CADPS2: variants seen among roughly 807,000 people sequenced by gnomAD.
CADPS2 encodes calcium dependent secretion activator 2.
CADPS2 carries 93 observed loss-of-function variants against 172.5 expected under a neutral mutation model. That is an observed-to-expected ratio of 0.54 (90% CI 0.46 to 0.64). The LOEUF is 0.64. Among genes scored for constraint, CADPS2 ranks in the 30% least tolerant of loss-of-function variants. CADPS2 has a pLI of 0.00. For missense variants in CADPS2, 1,420 were observed against 1,565.9 expected (o/e 0.91, Z 1.57); for synonymous variants, 546 against 555.2 (o/e 0.98, Z 0.23).
intron 8 of CADPS2, among the ~76,000 whole-genome samples, chr7:122,552,684 T>C (rs2064455917): frequency 6.6e-6 from 1 of 151,978 alleles, no homozygotes; most frequent in South Asian, 2.1e-4. Context: ...GTCTTTGTTC[T>C]TGAGACAAGC....
chr7:122,741,300 A>G (rs775289734), intron 1 of CADPS2, among the ~76,000 whole-genome samples: 10 of 152,212 alleles, frequency 6.6e-5, no homozygotes, highest in Non-Finnish European at 2.9e-5. Context: ...GCTTCCATAT[A>G]TAGACAGAAA....
intron 1 of CADPS2, among the ~76,000 whole-genome samples, chr7:122,842,082 C>T (rs1458513702): frequency 1.3e-5 from 2 of 152,180 alleles, no homozygotes; most frequent in Non-Finnish European, 2.9e-5. Context: ...TCCTGAAACC[C>T]CAGGAATAGT....
At position 122,332,314 on chromosome 7, in the gene CADPS2, G is replaced by A. The variant is rs189814490; in HGVS notation, c.3613-6733C>T. 1.4e-3 allele frequency among the ~76,000 whole-genome samples: 211 copies of A among 151,486 alleles called. 1 individual carries two copies. The highest frequency in any genetic ancestry group is 0.013 in the Admixed American group (194 of 15,192). ...AACACTGGAAAATATTTGTTCTACTGTAGTAAAACAATGTAATGTGGAAAG... is the reference window on the plus strand; with the variant it reads ...AACACTGGAAAATATTTGTTCTACTATAGTAAAACAATGTAATGTGGAAAG... On this transcript the variant is annotated intron_variant, in intron 28 of 29. Transcript: ENST00000449022.
chr7:122,429,053 A>G (rs2049546642), intron 17 of CADPS2, among the ~76,000 whole-genome samples: 1 of 152,128 alleles, frequency 6.6e-6, no homozygotes, highest in African/African-American at 2.4e-5. Flanking sequence ...TTGTTACCAC[A>G]ATGCTATTAT....
intron 20 of CADPS2, among the ~76,000 whole-genome samples, chr7:122,396,578 C>G (rs143281453): frequency 6.6e-6 from 1 of 152,294 alleles, no homozygotes; most frequent in African/African-American, 2.4e-5. Flanking sequence ...GACCTGTCTA[C>G]AAGTTACTTC....
At chr7:122,615,358 T>C in intron 5 of CADPS2, 59 bp from the exon 6 acceptor site, 1 of 1,144,798 alleles carries the variant, frequency 8.7e-7, no homozygotes, top group Non-Finnish European at 1.2e-6. Context: ...GCAATATACA[T>C]AAACAGCAGC....
At chr7:122,636,287 T>C (rs886979053) in intron 3 of CADPS2, among the ~76,000 whole-genome samples, 2 of 152,096 alleles carry the variant, frequency 1.3e-5, no homozygotes, top group African/African-American at 4.8e-5. Flanking sequence ...GTAAGGGTAG[T>C]CTAGTGTTAA....
chr7:122,382,546 A>G (rs1026745906), intron 24 of CADPS2, among the ~76,000 whole-genome samples: 1 of 152,166 alleles, frequency 6.6e-6, no homozygotes, highest in African/African-American at 2.4e-5. Flanking sequence ...ATCACAGGTA[A>G]AAGTTTATCT....
At chr7:122,723,697 T>G (rs535125860) in intron 2 of CADPS2, among the ~76,000 whole-genome samples, 1 of 152,274 alleles carries the variant, frequency 6.6e-6, no homozygotes, top group South Asian at 2.1e-4. Context: ...CACAGGATTA[T>G]AAATCATGCT....
intron 20 of CADPS2, among the ~76,000 whole-genome samples, chr7:122,406,039 C>T (rs995031807): frequency 1.3e-5 from 2 of 152,160 alleles, no homozygotes; most frequent in African/African-American, 4.8e-5. Context: ...AGCACCAAAG[C>T]TCATGTTGTT....
chr7:122,571,756 C>A (rs1563739573), intron 7 of CADPS2, among the ~76,000 whole-genome samples: 1 of 152,142 alleles, frequency 6.6e-6, no homozygotes, highest in Non-Finnish European at 1.5e-5. Flanking sequence ...TGAAGAATTG[C>A]TATCTGAAAG....
chr7:122,670,692 G>A (rs1422600402), intron 2 of CADPS2, among the ~76,000 whole-genome samples: 5 of 151,566 alleles, frequency 3.3e-5, no homozygotes, highest in Non-Finnish European at 5.9e-5. Flanking sequence ...GTAGAGACGA[G>A]GTTTCACCAT....
chr7:122,416,111 C>T lies in CADPS2; in HGVS notation c.2530G>A (p.Ala844Thr), dbSNP rs867582496. Residue 844 changes from alanine to threonine, a missense_variant, in exon 18 of 30, where the codon GCA becomes ACA. Coordinates refer to ENST00000449022, the MANE Select transcript of CADPS2 (RefSeq NM_017954.11). ...ARKLEEILHL[A>T]ELCIEVLQQN... ...TGTAAGACTTCTATGCAGAGCTCTG[C>T]CAGATGAAGAATCTCTTCCAGCTTT... 6.4e-7 allele frequency: 1 copy of T among 1,554,034 alleles called. No individual in the cohort carries two copies. Among genetic ancestry groups the T allele is most frequent in the East Asian group, 2.4e-5 (1 of 42,492 alleles).
At chr7:122,442,410 T>C (rs1254429750) in intron 15 of CADPS2, among the ~76,000 whole-genome samples, 1 of 152,170 alleles carries the variant, frequency 6.6e-6, no homozygotes, top group Non-Finnish European at 1.5e-5. Flanking sequence ...CACCTCAGGA[T>C]CAAGTGCTAC....
chr7:122,697,682 A>G, intron 2 of CADPS2: 1 of 858,758 alleles, frequency 1.2e-6, no homozygotes, highest in Non-Finnish European at 1.8e-6. Flanking sequence ...TTACTGAAGT[A>G]ACAAAAAAGG....
chr7:122,576,250 T>C (rs2068020017), intron 7 of CADPS2, among the ~76,000 whole-genome samples: 1 of 152,162 alleles, frequency 6.6e-6, no homozygotes, highest in African/African-American at 2.4e-5. Flanking sequence ...AGGGGCAAAG[T>C]GTCCCTTCTC....
chr7:122,676,020 T>C (rs796855580), intron 2 of CADPS2, among the ~76,000 whole-genome samples: 9 of 152,160 alleles, frequency 5.9e-5, no homozygotes, highest in African/African-American at 2.2e-4. Context: ...TTATAACCTC[T>C]TGAACCTCAA....
intron 1 of CADPS2, among the ~76,000 whole-genome samples, chr7:122,745,538 T>C (rs2092685217): frequency 6.6e-6 from 1 of 151,458 alleles, no homozygotes; most frequent in Non-Finnish European, 1.5e-5. Context: ...TAGGCATTTA[T>C]TTGCTTATTA....
At chr7:122,381,062 A>G (rs1298225902) in intron 24 of CADPS2, among the ~76,000 whole-genome samples, 3 of 152,142 alleles carry the variant, frequency 2.0e-5, no homozygotes, top group Non-Finnish European at 4.4e-5. Flanking sequence ...ACACATGAAC[A>G]TATCTGAGAC....
Sources: gnomAD v4.1 joint callset for allele counts (sites outside exome capture counted in the v4.1 genomes callset) on GRCh38, gnomAD v4.1.1 for gene constraint, MANE v1.5 for transcripts, NCBI Gene and HGNC (gene_info 2026-07-23, HGNC 2026-07-21) for gene names.